Variants in PPIH observed in about 807,000 individuals in gnomAD.
The protein encoded by PPIH is peptidyl-prolyl cis-trans isomerase H.
Under a neutral mutation model 27.6 loss-of-function variants are expected in PPIH, and 16 were observed. The observed-to-expected ratio is 0.58, with a 90% CI of 0.39 to 0.88. PPIH has a LOEUF of 0.88. Ranked by LOEUF, PPIH falls within the 40% of genes least tolerant of loss-of-function variation. The pLI is 0.00. For synonymous variants in PPIH, 63 were observed against 76.1 expected, an observed-to-expected ratio of 0.83 and a Z score of 0.90; for missense variants, 155 against 224.1, an observed-to-expected ratio of 0.69 and a Z score of 1.97.
At chr1:42,666,733 G>T in intron 8 of PPIH, 146 bp downstream of exon 8, 2 of 784,468 alleles carry the variant, frequency 2.5e-6, no homozygotes, top group Non-Finnish European at 2.1e-6. Context: ...AACCACCTAA[G>T]TTAGCCTGTC....
At chr1:42,673,153 C>T (rs1649728418) in intron 9 of PPIH, among the ~76,000 whole-genome samples, 1 of 152,062 alleles carries the variant, frequency 6.6e-6, no homozygotes, top group African/African-American at 2.4e-5. Context: ...CAGCACCACA[C>T]CCAGCTAACT....
At chr1:42,666,670 G>A (rs904947747) in intron 8 of PPIH, 83 bp downstream of exon 8, 2 of 1,374,280 alleles carry the variant, frequency 1.5e-6, no homozygotes, top group African/African-American at 2.9e-5. Flanking sequence ...AGAGAAGGGG[G>A]AATGAGCTCC....
At chr1:42,673,283 C>A (rs1649734650) in intron 9 of PPIH, among the ~76,000 whole-genome samples, 1 of 152,176 alleles carries the variant, frequency 6.6e-6, no homozygotes, top group Non-Finnish European at 1.5e-5. Flanking sequence ...CCGTGCCCAG[C>A]CCTTGGAAAA....
At chr1:42,665,534 G>C (rs1483635983) in intron 6 of PPIH, among the ~76,000 whole-genome samples, 1 of 151,940 alleles carries the variant, frequency 6.6e-6, no homozygotes, top group Admixed American at 6.5e-5. Flanking sequence ...AATGTAAACA[G>C]TTGTGCTTTC....
chr1:42,664,746 C>A, intron 5 of PPIH, 117 bp from the exon 6 acceptor site: 1 of 765,374 alleles, frequency 1.3e-6, no homozygotes, highest in Non-Finnish European at 2.1e-6. Context: ...CCAAGATGAC[C>A]AACAAGAGTA....
At chr1:42,673,028 T>C (rs1649722119) in intron 9 of PPIH, among the ~76,000 whole-genome samples, 1 of 151,910 alleles carries the variant, frequency 6.6e-6, no homozygotes, top group South Asian at 2.1e-4. Flanking sequence ...AGGGTCTTAC[T>C]CTGTCACCCA....
chr1:42,666,009 T>A lies in PPIH; in HGVS notation c.366T>A (p.Cys122Ter), dbSNP rs1181280693. The change falls in exon 7 of 10, where the codon TGT becomes TGA. Residue 122 changes from cysteine (C) to a stop codon, truncating the protein, a stop_gained. Coordinates refer to ENST00000304979, the MANE Select transcript of PPIH (RefSeq NM_006347.4). LOFTEE classifies it high-confidence loss of function. ...ACAGTGGTCCAAGTACAAATGGCTG[T>A]CAGTTCTTTATCACCTGCTCTAAGT... is the stretch of plus-strand genomic sequence containing the variant. The part of the protein sequence containing the change: ...MANSGPSTNG[C>*]QFFITCSKCD... 6.2e-7 allele frequency: 1 copy of A among 1,614,218 alleles called. No homozygotes were observed. The highest frequency in any genetic ancestry group is 2.2e-5 in the East Asian group (1 of 44,890).
chr1:42,673,941 T>G (rs543217075), intron 9 of PPIH, among the ~76,000 whole-genome samples: 1 of 152,376 alleles, frequency 6.6e-6, no homozygotes, highest in East Asian at 1.9e-4. Context: ...ATTCTAGAAT[T>G]ACCTATAGAT....
chr1:42,664,982 G>A lies in PPIH; in HGVS notation c.336+27G>A, dbSNP rs550386534. 3.4e-5 allele frequency: 55 copies of A among 1,599,798 alleles called. 1 individual carries two copies. The South Asian group carries it at 5.7e-4, about 17-fold the overall frequency. On this transcript the variant is annotated intron_variant, in intron 6 of 9. Coordinates refer to ENST00000304979, the MANE Select transcript of PPIH (RefSeq NM_006347.4). ...TAAGTGAGGTCCAATCAAGGTTTTGGGTTATAGCCAGCTGGTTCCTGGGCC... is the reference window on the plus strand; with the variant it reads ...TAAGTGAGGTCCAATCAAGGTTTTGAGTTATAGCCAGCTGGTTCCTGGGCC...
chr1:42,666,633 G>A, intron 8 of PPIH, 46 bp downstream of exon 8: 1 of 1,587,036 alleles, frequency 6.3e-7, no homozygotes, highest in Non-Finnish European at 8.7e-7. Flanking sequence ...TTGTGGTCTG[G>A]TACTGTCTGA....
downstream of PPIH, among the ~76,000 whole-genome samples, chr1:42,680,750 T>C (rs1649996518): frequency 6.6e-6 from 1 of 152,230 alleles, no homozygotes; most frequent in East Asian, 1.9e-4. Flanking sequence ...GTTTTTAAAA[T>C]GTTTAAATAG....
At chr1:42,674,550 G>T (rs923592245) in intron 9 of PPIH, among the ~76,000 whole-genome samples, 5 of 152,200 alleles carry the variant, frequency 3.3e-5, no homozygotes, top group Admixed American at 3.3e-4. Flanking sequence ...AGTCCACTGT[G>T]CTCCTGAGAT....
intron 4 of PPIH, 97 bp downstream of exon 4, chr1:42,659,663 A>G (rs1201591602): frequency 6.7e-7 from 1 of 1,501,972 alleles, no homozygotes; most frequent in Non-Finnish European, 8.8e-7. Context: ...TAATTCTTAC[A>G]TTTCTTGAGA....
At chr1:42,681,026 C>T (rs1650004626), downstream of PPIH, among the ~76,000 whole-genome samples, 3 of 152,190 alleles carry the variant, frequency 2.0e-5, no homozygotes, top group Admixed American at 6.5e-5. Context: ...ACTCACAGGC[C>T]TAGACGGCAT....
At chr1:42,680,295 G>C (rs148135835), downstream of PPIH, among the ~76,000 whole-genome samples, 1 of 152,136 alleles carries the variant, frequency 6.6e-6, no homozygotes, top group Non-Finnish European at 1.5e-5. Flanking sequence ...ATTCTGTAGG[G>C]CCCTTGTAAT....
intron 9 of PPIH, among the ~76,000 whole-genome samples, chr1:42,667,945 A>G (rs1341323004): frequency 6.6e-6 from 1 of 152,222 alleles, no homozygotes; most frequent in Non-Finnish European, 1.5e-5. Context: ...TCCAGCCTAC[A>G]TGGACTCATT....
At chr1:42,672,347 G>C (rs1355628275) in intron 9 of PPIH, among the ~76,000 whole-genome samples, 8 of 151,826 alleles carry the variant, frequency 5.3e-5, no homozygotes, top group Non-Finnish European at 1.0e-4. Context: ...TAGGGGATAA[G>C]AGTCTATCTT....
chr1:42,680,619 G>A (rs1649993337), downstream of PPIH, among the ~76,000 whole-genome samples: 1 of 152,176 alleles, frequency 6.6e-6, no homozygotes, highest in African/African-American at 2.4e-5. Flanking sequence ...GTTGTGGTGG[G>A]TAATATTAGA....
chr1:42,663,290 A>G (rs1233794365), intron 5 of PPIH, among the ~76,000 whole-genome samples: 1 of 152,236 alleles, frequency 6.6e-6, no homozygotes, highest in Admixed American at 6.5e-5. Flanking sequence ...CTTCATGATA[A>G]CTGTAAAGAG....
Sources: allele counts gnomAD v4.1 joint callset (sites outside exome capture counted in the v4.1 genomes callset), GRCh38; gene constraint gnomAD v4.1.1; transcripts MANE v1.5; gene names NCBI Gene and HGNC (gene_info 2026-07-23, HGNC 2026-07-21).